Variants in PTBP3 observed in about 807,000 individuals in gnomAD.
The protein encoded by PTBP3 is polypyrimidine tract-binding protein 3.
In PTBP3, 20 loss-of-function variants were observed where a neutral mutation model predicts 58.7. The observed-to-expected ratio is 0.34, with a 90% CI of 0.24 to 0.50. The LOEUF (loss-of-function observed/expected upper bound fraction) is 0.50, where lower values mean the gene tolerates loss of function less well. Among genes scored for constraint, PTBP3 ranks in the 20% least tolerant of loss-of-function variants. The pLI, the probability that PTBP3 is intolerant of heterozygous loss-of-function variation, is 0.98. For missense variants in PTBP3, 509 were observed against 637.2 expected (o/e 0.80, Z 2.17); for synonymous variants, 185 against 219.8 (o/e 0.84, Z 1.40).
At chr9:112,254,611 T>C (rs376349146) in intron 5 of PTBP3, among the ~76,000 whole-genome samples, 2 of 152,058 alleles carry the variant, frequency 1.3e-5, no homozygotes, top group African/African-American at 2.4e-5. Flanking sequence ...AAATAGCCAA[T>C]AAGCCCACAA....
intron 1 of PTBP3, chr9:112,332,659 G>A: frequency 8.6e-7 from 1 of 1,166,030 alleles, no homozygotes; most frequent in Non-Finnish European, 1.2e-6. Context: ...CCATATCCCT[G>A]AGTCCCCAGA....
intron 7 of PTBP3, among the ~76,000 whole-genome samples, chr9:112,244,249 C>T (rs948445945): frequency 2.5e-5 from 3 of 120,818 alleles, no homozygotes; most frequent in South Asian, 2.8e-4. Context: ...GAGATCATGA[C>T]ACTGCACTCC....
At chr9:112,270,069 C>T (rs1021217723) in intron 3 of PTBP3, among the ~76,000 whole-genome samples, 1 of 151,834 alleles carries the variant, frequency 6.6e-6, no homozygotes, top group Non-Finnish European at 1.5e-5. Flanking sequence ...TTCAGCCTCA[C>T]AAGTGGCTGG....
At chr9:112,256,288 TATATACATATATATATATA>T (rs202059388) in intron 5 of PTBP3, among the ~76,000 whole-genome samples, 80,116 of 141,448 alleles carry the variant, frequency 0.57, 24,620 homozygotes, top group African/African-American at 0.82. Context: ...TATATATATA[TATATACATATATATATATA>T]TATTTATCTA....
chr9:112,299,272 T>C (rs1564445476), intron 1 of PTBP3, among the ~76,000 whole-genome samples: 1 of 152,228 alleles, frequency 6.6e-6, no homozygotes, highest in Non-Finnish European at 1.5e-5. Context: ...TAGAAACCAC[T>C]TGAAGGTGGT....
intron 7 of PTBP3, among the ~76,000 whole-genome samples, chr9:112,246,081 C>A (rs1485025048): frequency 5.3e-5 from 8 of 151,744 alleles, no homozygotes; most frequent in African/African-American, 1.5e-4. Context: ...CTCCCAGGTT[C>A]AAGCAATTTT....
At chr9:112,230,263 C>T (rs1835150424) in intron 10 of PTBP3, among the ~76,000 whole-genome samples, 1 of 152,012 alleles carries the variant, frequency 6.6e-6, no homozygotes, top group South Asian at 2.1e-4. Flanking sequence ...GAGTTTGAGA[C>T]TACAGTGAGC....
chr9:112,225,635 A>C (rs1834957223), intron 12 of PTBP3, among the ~76,000 whole-genome samples: 1 of 152,244 alleles, frequency 6.6e-6, no homozygotes, highest in African/African-American at 2.4e-5. Context: ...AAATGAGGCA[A>C]CATGTGTAAA....
intron 1 of PTBP3, among the ~76,000 whole-genome samples, chr9:112,312,408 G>A (rs1300763521): frequency 1.3e-5 from 2 of 150,880 alleles, no homozygotes; most frequent in Admixed American, 6.6e-5. Flanking sequence ...GAGACAAGAG[G>A]ATCACTTGAG....
chr9:112,240,784 G>A (rs1189256593), intron 7 of PTBP3, among the ~76,000 whole-genome samples: 3 of 152,096 alleles, frequency 2.0e-5, no homozygotes, highest in South Asian at 4.1e-4. Flanking sequence ...CTTCCAGTGG[G>A]ACAAGATGTA....
chr9:112,317,742 T>G (rs1011369995), intron 1 of PTBP3, among the ~76,000 whole-genome samples: 2 of 151,404 alleles, frequency 1.3e-5, no homozygotes, highest in Admixed American at 6.6e-5. Flanking sequence ...AGGTCAGGAG[T>G]TTGAGACCAG....
intron 3 of PTBP3, among the ~76,000 whole-genome samples, chr9:112,273,964 A>G (rs1207528972): frequency 6.6e-6 from 1 of 152,240 alleles, no homozygotes; most frequent in East Asian, 1.9e-4. Flanking sequence ...AGAGACAAAG[A>G]AAATTATGAT....
upstream of PTBP3, among the ~76,000 whole-genome samples, chr9:112,336,431 T>C (rs1045730313): frequency 6.6e-6 from 1 of 152,014 alleles, no homozygotes; most frequent in Admixed American, 6.6e-5. Flanking sequence ...ATTTGATAAA[T>C]TTTTTGAAAA....
At chr9:112,267,600 A>G (rs1299507132) in intron 4 of PTBP3, among the ~76,000 whole-genome samples, 1 of 152,242 alleles carries the variant, frequency 6.6e-6, no homozygotes, top group African/African-American at 2.4e-5. Flanking sequence ...AAAATGGGTA[A>G]GAAATATTGC....
chr9:112,234,908 AG>A lies in PTBP3; in HGVS notation c.803-12del, dbSNP rs755311159. The A allele has an allele frequency of 3.1e-6, 5 of 1,605,108 alleles. No homozygotes were observed. In the East Asian group the frequency reaches 1.1e-4, roughly 36 times the overall value. On this transcript the variant is annotated splice_polypyrimidine_tract_variant and intron_variant, in intron 7 of 13. Transcript: ENST00000374257. ...TTATACCCGGTGCACCTAATGGGAA[AG>A]AGAAGCTAAAGTAAACACACTACCT...
At chr9:112,217,893 A>G (rs1291587138), downstream of PTBP3, 4 of 152,206 alleles carry the variant, frequency 2.6e-5, no homozygotes, top group Admixed American at 2.6e-4. Context: ...ACAATTCTTT[A>G]AAGATCTGAG....
the PTBP3 span, among the ~76,000 whole-genome samples, chr9:112,352,081 C>A: frequency 1.3e-5 from 2 of 151,944 alleles, no homozygotes; most frequent in East Asian, 3.9e-4. Flanking sequence ...CCACTCCCAG[C>A]TAGTTTTTAA....
chr9:112,329,356 T>TAGTA (rs757208247), intron 1 of PTBP3, among the ~76,000 whole-genome samples: 2 of 151,892 alleles, frequency 1.3e-5, no homozygotes, highest in Non-Finnish European at 2.9e-5. Flanking sequence ...GTGGAGGTTG[T>TAGTA]AGTAAGCCAA....
At chr9:112,268,712 CAAAA>C (rs56196327) in intron 3 of PTBP3, among the ~76,000 whole-genome samples, 254 of 94,004 alleles carry the variant, frequency 2.7e-3, no homozygotes, top group African/African-American at 8.8e-3. Context: ...GACACCGTCT[CAAAA>C]AAAAAAAAAA....
Sources: gnomAD v4.1 joint callset for allele counts (sites outside exome capture counted in the v4.1 genomes callset) on GRCh38, gnomAD v4.1.1 for gene constraint, MANE v1.5 for transcripts, NCBI Gene and HGNC (gene_info 2026-07-23, HGNC 2026-07-21) for gene names.